The following VPS53 variants were observed in gnomAD, a reference collection of about 807,000 sequenced individuals.
VPS53 encodes vacuolar protein sorting-associated protein 53 homolog.
A neutral mutation model predicts 107.0 loss-of-function variants in VPS53; 70 were observed. The observed-to-expected ratio is 0.65, with a 90% CI of 0.54 to 0.80. The LOEUF (loss-of-function observed/expected upper bound fraction) is 0.80, where lower values mean the gene tolerates loss of function less well. Ranked by LOEUF, VPS53 falls within the 30% of genes least tolerant of loss-of-function variation. The pLI, the probability that VPS53 is intolerant of heterozygous loss-of-function variation, is 0.00. For synonymous variants in VPS53, 409 were observed against 393.3 expected (o/e 1.04, Z -0.47); for missense variants, 917 against 1,049.4 (o/e 0.87, Z 1.74).
At position 597,470 on chromosome 17, in the gene VPS53, G is replaced by C. The variant is rs369822417; in HGVS notation, c.1218+4325C>G. Among the ~76,000 whole-genome samples, 15 of 152,314 alleles carry C rather than the reference G, an allele frequency of 9.8e-5. 2 individuals carry two copies. The highest frequency in any genetic ancestry group is 3.6e-4 in the African/African-American group (15 of 41,580). On this transcript the variant is annotated intron_variant, in intron 12 of 21. Coordinates refer to ENST00000437048, the MANE Select transcript of VPS53 (RefSeq NM_001128159.3). ...AGGGATGGCGTGGGTGGAGGCATTA[G>C]TCACTGGCATGTAAGTGTTATTACT... is the stretch of plus-strand genomic sequence containing the variant.
chr17:653,555 C>A lies in VPS53; in HGVS notation c.489-145G>T, dbSNP rs922743641. On this transcript the variant is annotated intron_variant, in intron 6 of 21. Transcript: ENST00000437048. ...AGCACTGAGTATATAAGCTGCTGTGCGTTGTGGGAGGAAAAAACAGGATCT... is the reference window on the plus strand; with the variant it reads ...AGCACTGAGTATATAAGCTGCTGTGAGTTGTGGGAGGAAAAAACAGGATCT... 1.1e-5 allele frequency: 15 copies of A among 1,306,942 alleles called. No individual in the cohort carries two copies. The African/African-American group carries it at 1.8e-4, about 16-fold the overall frequency. 81.0% of individuals were successfully genotyped at this position (1,306,942 alleles called of 1,614,324 possible). A position where few individuals can be genotyped will look rare whatever the true frequency, so the allele number is the denominator to read the frequency against.
intron 15 of VPS53, among the ~76,000 whole-genome samples, chr17:558,898 G>A (rs1912691130): frequency 6.6e-6 from 1 of 151,610 alleles, no homozygotes; most frequent in African/African-American, 2.4e-5. Context: ...AGGAGGCTGA[G>A]GCAGAAGAAT....
chr17:700,371 C>T (rs112763349), intron 2 of VPS53, among the ~76,000 whole-genome samples: 7,620 of 151,532 alleles, frequency 0.05, 629 homozygotes, highest in African/African-American at 0.17. Context: ...GGCGAAACCC[C>T]ATCTCTACTA....
intron 5 of VPS53, chr17:657,584 C>G: frequency 2.4e-6 from 2 of 835,608 alleles, no homozygotes; most frequent in Admixed American, 4.1e-5. Context: ...CCTTTGTCTT[C>G]CGGTGCACAT....
chr17:633,564 T>G (rs1203161743), intron 7 of VPS53, among the ~76,000 whole-genome samples: 1 of 152,228 alleles, frequency 6.6e-6, no homozygotes, highest in Non-Finnish European at 1.5e-5. Context: ...ATCTGTTTTT[T>G]CCGTGGCGTG....
At chr17:552,798 G>T (rs1911962924) in intron 16 of VPS53, 1 of 284,428 alleles carries the variant, frequency 3.5e-6, no homozygotes, top group African/African-American at 2.1e-5. Flanking sequence ...TTAGTGGCCA[G>T]TAGGGACTCA....
At chr17:600,137 T>C (rs939566846) in intron 12 of VPS53, 1 of 152,242 alleles carries the variant, frequency 6.6e-6, no homozygotes, top group Non-Finnish European at 1.5e-5. Flanking sequence ...GAAAATTACA[T>C]TTTACCTGGC....
chr17:689,182 G>T (rs949347696), intron 4 of VPS53, among the ~76,000 whole-genome samples: 3 of 152,158 alleles, frequency 2.0e-5, no homozygotes, highest in Non-Finnish European at 2.9e-5. Flanking sequence ...TGAGAGAAAG[G>T]ATCAATTTAA....
intron 4 of VPS53, among the ~76,000 whole-genome samples, chr17:681,704 A>C (rs1329932769): frequency 6.6e-6 from 1 of 152,202 alleles, no homozygotes; most frequent in Non-Finnish European, 1.5e-5. Flanking sequence ...GTAATTTCTA[A>C]ACAACAGAAA....
intron 7 of VPS53, among the ~76,000 whole-genome samples, chr17:639,879 C>G (rs916173021): frequency 4.6e-5 from 7 of 152,220 alleles, no homozygotes; most frequent in African/African-American, 1.7e-4. Context: ...TCTGTCCATT[C>G]TTAGATCTCA....
chr17:671,152 A>G (rs940370758), intron 4 of VPS53, among the ~76,000 whole-genome samples: 2 of 152,110 alleles, frequency 1.3e-5, no homozygotes, highest in Non-Finnish European at 2.9e-5. Context: ...AATCGCCTGC[A>G]CCTAGGAGGT....
intron 4 of VPS53, among the ~76,000 whole-genome samples, chr17:669,011 G>A (rs1025679268): frequency 6.6e-6 from 1 of 152,064 alleles, no homozygotes; most frequent in African/African-American, 2.4e-5. Flanking sequence ...TTTTAATAAG[G>A]TACTGAAGTT....
intron 13 of VPS53, among the ~76,000 whole-genome samples, chr17:570,885 T>C (rs929399812): frequency 6.6e-6 from 1 of 152,180 alleles, no homozygotes; most frequent in Non-Finnish European, 1.5e-5. Flanking sequence ...GATTAAGCAG[T>C]AATGTTGTAT....
At chr17:663,345 A>G (rs989383313) in intron 4 of VPS53, among the ~76,000 whole-genome samples, 1 of 152,260 alleles carries the variant, frequency 6.6e-6, no homozygotes, top group African/African-American at 2.4e-5. Flanking sequence ...CAGTTGTGAC[A>G]TGTGGAGACC....
chr17:652,645 T>G (rs2143490670), intron 7 of VPS53, among the ~76,000 whole-genome samples: 1 of 152,298 alleles, frequency 6.6e-6, no homozygotes, highest in East Asian at 1.9e-4. Context: ...TCCAGTCCCC[T>G]CCTGAGCTGC....
chr17:702,491 G>A lies in VPS53; in HGVS notation c.169-3111C>T, dbSNP rs568732863. Among the ~76,000 whole-genome samples, 23 of 152,004 alleles carry A rather than the reference G, an allele frequency of 1.5e-4. No homozygotes were observed. The East Asian group carries it at 2.7e-3, about 18-fold the overall frequency. The stretch of plus-strand genomic sequence containing the variant: ...AGCCAGGCCAATATGGTGAAACCCC[G>A]TCTCTACTAAAAATACAAAAAAAAA... On this transcript the variant is annotated intron_variant, in intron 2 of 21. Coordinates refer to ENST00000437048, the MANE Select transcript of VPS53 (RefSeq NM_001128159.3).
chr17:713,739 C>CAAG (rs1437068551), intron 1 of VPS53, among the ~76,000 whole-genome samples: 1 of 151,226 alleles, frequency 6.6e-6, no homozygotes, highest in Non-Finnish European at 1.5e-5. Flanking sequence ...CTTGCAAAGG[C>CAAG]AAGAGTTCCT....
At chr17:626,872 C>T (rs1407569903) in intron 10 of VPS53, among the ~76,000 whole-genome samples, 1 of 152,058 alleles carries the variant, frequency 6.6e-6, no homozygotes, top group Non-Finnish European at 1.5e-5. Context: ...CATGCGATAC[C>T]GACTAGGGGA....
chr17:631,671 T>C (rs776559144), intron 7 of VPS53, 43 bp from the exon 8 acceptor site: 2 of 1,574,760 alleles, frequency 1.3e-6, no homozygotes, highest in East Asian at 4.5e-5. Flanking sequence ...CATCATATCC[T>C]TATGTAACTA....
Sources: gnomAD v4.1 joint callset for allele counts (sites outside exome capture counted in the v4.1 genomes callset) on GRCh38, gnomAD v4.1.1 for gene constraint, MANE v1.5 for transcripts, NCBI Gene and HGNC (gene_info 2026-07-23, HGNC 2026-07-21) for gene names.